The following SRRM3 variants were observed in gnomAD, a reference collection of about 807,000 sequenced individuals.
The protein encoded by SRRM3 is serine/arginine repetitive matrix 3, also known as serine/arginine repetitive matrix protein 3.
SRRM3 carries 27 observed loss-of-function variants against 66.2 expected under a neutral mutation model. The ratio of observed to expected loss-of-function variants is 0.41; its 90% CI spans 0.30 to 0.56. The LOEUF is 0.56. SRRM3 is among the 20% of genes least tolerant of loss of function. The pLI is 0.32. For missense variants in SRRM3, 918 were observed against 991.9 expected (o/e 0.93, Z 1.00); for synonymous variants, 391 against 414.9 (o/e 0.94, Z 0.70).
At chr7:76,220,728 C>G (rs565710702) in intron 1 of SRRM3, among the ~76,000 whole-genome samples, 2 of 152,208 alleles carry the variant, frequency 1.3e-5, no homozygotes, top group Non-Finnish European at 2.9e-5. Context: ...CTGCAGTGCC[C>G]GCACCCTTGC....
intron 1 of SRRM3, among the ~76,000 whole-genome samples, chr7:76,209,740 G>A (rs551069908): frequency 6.6e-6 from 1 of 152,128 alleles, no homozygotes; most frequent in South Asian, 2.1e-4. Context: ...AAGTGGCTGG[G>A]ACGACAGGCA....
intron 2 of SRRM3, among the ~76,000 whole-genome samples, chr7:76,236,743 G>A (rs1583893832): frequency 6.6e-6 from 1 of 152,360 alleles, no homozygotes; most frequent in East Asian, 1.9e-4. Context: ...ACCTCACCCA[G>A]AGGACCAGGT....
chr7:76,245,726 C>T (rs556209821), intron 2 of SRRM3, among the ~76,000 whole-genome samples: 1 of 152,290 alleles, frequency 6.6e-6, no homozygotes, highest in African/African-American at 2.4e-5. Context: ...GACGGAGTCT[C>T]GCTCTGTCAC....
chr7:76,228,600 T>G (rs1340231306), intron 1 of SRRM3, among the ~76,000 whole-genome samples: 3 of 152,062 alleles, frequency 2.0e-5, no homozygotes, highest in African/African-American at 7.2e-5. Context: ...GGTGTGCACC[T>G]GTAATCCCAG....
intron 14 of SRRM3, among the ~76,000 whole-genome samples, chr7:76,284,328 C>T (rs1802604900): frequency 1.3e-5 from 2 of 152,066 alleles, no homozygotes; most frequent in Admixed American, 1.3e-4. Context: ...GCACCCACCA[C>T]CACGCCCAGC....
chr7:76,251,937 C>T (rs1041897203), intron 3 of SRRM3, among the ~76,000 whole-genome samples: 3 of 151,996 alleles, frequency 2.0e-5, no homozygotes, highest in Non-Finnish European at 2.9e-5. Context: ...TGGTGGCACA[C>T]GCCTGCAATC....
intron 2 of SRRM3, among the ~76,000 whole-genome samples, chr7:76,245,286 G>A (rs1801410100): frequency 1.3e-5 from 2 of 152,210 alleles, no homozygotes; most frequent in Admixed American, 1.3e-4. Context: ...GCAGGGAGTA[G>A]AGAGATGGGA....
chr7:76,247,343 G>A (rs377652638), intron 2 of SRRM3, among the ~76,000 whole-genome samples: 5 of 151,682 alleles, frequency 3.3e-5, no homozygotes, highest in Non-Finnish European at 7.4e-5. Flanking sequence ...CTTGCCCCCC[G>A]ATAACCCCCC....
intron 3 of SRRM3, among the ~76,000 whole-genome samples, chr7:76,256,324 T>C (rs1296326005): frequency 2.6e-5 from 4 of 152,004 alleles, no homozygotes; most frequent in Admixed American, 6.6e-5. Context: ...CTGTCCAACA[T>C]GGTGAAACCC....
chr7:76,253,787 CAAAAAAA>C (rs782083114), intron 3 of SRRM3, among the ~76,000 whole-genome samples: 1 of 64,788 alleles, frequency 1.5e-5, no homozygotes, highest in Admixed American at 1.8e-4. Context: ...AACTCTGTTT[CAAAAAAA>C]AAAAAAAAAA....
intron 1 of SRRM3, among the ~76,000 whole-genome samples, chr7:76,216,839 C>T (rs553561827): frequency 1.6e-4 from 24 of 152,286 alleles, no homozygotes; most frequent in Non-Finnish European, 2.6e-4. Flanking sequence ...TGCCTAGCAA[C>T]GAGAGGCGCA....
intron 1 of SRRM3, among the ~76,000 whole-genome samples, chr7:76,224,746 A>G (rs1031727503): frequency 6.6e-6 from 1 of 152,168 alleles, no homozygotes; most frequent in South Asian, 2.1e-4. Flanking sequence ...GACCGCCTAC[A>G]CACCAAGAGA....
intron 1 of SRRM3, among the ~76,000 whole-genome samples, chr7:76,203,788 G>A (rs1218594842): frequency 6.6e-6 from 1 of 152,200 alleles, no homozygotes; most frequent in Non-Finnish European, 1.5e-5. Flanking sequence ...CTGGAGGCAG[G>A]AGAGTTACTG....
chr7:76,208,832 C>A (rs1163231225), intron 1 of SRRM3, among the ~76,000 whole-genome samples: 1 of 136,038 alleles, frequency 7.4e-6, no homozygotes, highest in Admixed American at 8.0e-5. Context: ...AGCAAGAAGA[C>A]CCTGAAAAAA....
intron 1 of SRRM3, among the ~76,000 whole-genome samples, chr7:76,213,257 C>T (rs1800479716): frequency 6.6e-6 from 1 of 151,798 alleles, no homozygotes; most frequent in Admixed American, 6.6e-5. Context: ...GCAATCCACC[C>T]GCCTCAGCCT....
At chr7:76,244,480 TGCCACTGCACTCTA>T (rs776855103) in intron 2 of SRRM3, among the ~76,000 whole-genome samples, 6 of 146,882 alleles carry the variant, frequency 4.1e-5, no homozygotes, top group Non-Finnish European at 7.4e-5. Context: ...GCCGAGATTG[TGCCACTGCACTCTA>T]GCCTGGGCGA....
intron 3 of SRRM3, among the ~76,000 whole-genome samples, chr7:76,250,788 C>T (rs957341109): frequency 6.6e-6 from 1 of 152,170 alleles, no homozygotes; most frequent in African/African-American, 2.4e-5. Context: ...AAGTGCTCAT[C>T]GTACCTGGCA....
chr7:76,250,535 T>C (rs1249805721), intron 3 of SRRM3, among the ~76,000 whole-genome samples: 4 of 152,126 alleles, frequency 2.6e-5, no homozygotes, highest in African/African-American at 9.7e-5. Flanking sequence ...CACCCAGTCT[T>C]AGTCATCGTA....
intron 1 of SRRM3, among the ~76,000 whole-genome samples, chr7:76,233,371 T>C (rs1315004166): frequency 1.3e-5 from 2 of 152,102 alleles, no homozygotes; most frequent in African/African-American, 4.8e-5. Flanking sequence ...TGAACTGTTG[T>C]GGGTCAGGTC....
Sources: allele counts gnomAD v4.1 joint callset (sites outside exome capture counted in the v4.1 genomes callset), GRCh38; gene constraint gnomAD v4.1.1; transcripts MANE v1.5; gene names NCBI Gene and HGNC (gene_info 2026-07-23, HGNC 2026-07-21).